GRM5: variants seen among roughly 807,000 people sequenced by gnomAD.
The protein encoded by GRM5 is glutamate metabotropic receptor 5, also known as metabotropic glutamate receptor 5.
Under a neutral mutation model 83.1 loss-of-function variants are expected in GRM5, and 19 were observed. That is an observed-to-expected ratio of 0.23 (90% CI 0.16 to 0.34). The LOEUF (loss-of-function observed/expected upper bound fraction) is 0.34. Ranked by LOEUF, GRM5 falls within the 10% of genes least tolerant of loss-of-function variation. GRM5 has a pLI of 1.00. For missense variants in GRM5, 1,160 were observed against 1,588.3 expected, an observed-to-expected ratio of 0.73 and a Z score of 4.58; for synonymous variants, 675 against 633.6, an observed-to-expected ratio of 1.07 and a Z score of -0.98.
At chr11:88,632,129 C>A (rs990934039) in intron 4 of GRM5, among the ~76,000 whole-genome samples, 1 of 151,908 alleles carries the variant, frequency 6.6e-6, no homozygotes, top group African/African-American at 2.4e-5. Flanking sequence ...TCCTCCCGCA[C>A]CTTTGTAATC....
At chr11:88,662,850 A>T (rs1348329223) in intron 3 of GRM5, among the ~76,000 whole-genome samples, 1 of 152,186 alleles carries the variant, frequency 6.6e-6, no homozygotes, top group African/African-American at 2.4e-5. Flanking sequence ...CACCAAATTC[A>T]GCCAAAAACT....
At chr11:89,033,186 G>A (rs1473367032) in intron 2 of GRM5, among the ~76,000 whole-genome samples, 3 of 151,966 alleles carry the variant, frequency 2.0e-5, no homozygotes, top group Non-Finnish European at 2.9e-5. Context: ...AGAAAGTGCA[G>A]GTACAGCCAT....
intron 2 of GRM5, among the ~76,000 whole-genome samples, chr11:88,877,843 CAGAAAGAA>C (rs144183977): frequency 7.6e-6 from 1 of 131,582 alleles, no homozygotes; most frequent in African/African-American, 2.9e-5. Context: ...AAAAAAAAAG[CAGAAAGAA>C]AGAAAGAAAG....
At chr11:88,887,847 C>T (rs1223606040) in intron 2 of GRM5, among the ~76,000 whole-genome samples, 2 of 152,140 alleles carry the variant, frequency 1.3e-5, no homozygotes, top group Non-Finnish European at 2.9e-5. Context: ...GGCCTTTTTA[C>T]TAGATCCTTG....
chr11:88,633,802 C>T (rs867748336), intron 4 of GRM5, among the ~76,000 whole-genome samples: 4 of 152,088 alleles, frequency 2.6e-5, no homozygotes, highest in African/African-American at 4.8e-5. Context: ...ATTATAAACA[C>T]GAGCCACCGT....
At chr11:88,796,782 T>C (rs938699441) in intron 3 of GRM5, among the ~76,000 whole-genome samples, 1 of 152,058 alleles carries the variant, frequency 6.6e-6, no homozygotes, top group Non-Finnish European at 1.5e-5. Flanking sequence ...TTGTCACAAG[T>C]TGACTTCTGT....
intron 2 of GRM5, among the ~76,000 whole-genome samples, chr11:88,886,256 G>A (rs888200879): frequency 6.6e-6 from 1 of 152,078 alleles, no homozygotes; most frequent in Non-Finnish European, 1.5e-5. Flanking sequence ...TTTTCCTGGT[G>A]CGTGATGACA....
chr11:89,040,977 A>G (rs985519926), intron 2 of GRM5, among the ~76,000 whole-genome samples: 14 of 152,216 alleles, frequency 9.2e-5, no homozygotes, highest in African/African-American at 3.4e-4. Context: ...CAAGCTGTAC[A>G]CTGGAACATA....
chr11:88,526,117 A>G (rs1461742467), intron 8 of GRM5, among the ~76,000 whole-genome samples: 2 of 152,224 alleles, frequency 1.3e-5, no homozygotes. Context: ...AAGTTTCTGT[A>G]AACATTAAGC....
At chr11:89,026,256 C>T (rs962149641) in intron 2 of GRM5, among the ~76,000 whole-genome samples, 1 of 152,110 alleles carries the variant, frequency 6.6e-6, no homozygotes, top group Non-Finnish European at 1.5e-5. Flanking sequence ...CACCAAGCAC[C>T]CACAACACAC....
chr11:88,930,031 T>G (rs493306), intron 2 of GRM5, among the ~76,000 whole-genome samples: 38,463 of 151,960 alleles, frequency 0.25, 5,964 homozygotes, highest in Non-Finnish European at 0.35. Flanking sequence ...TCTCCAAACG[T>G]TTTTTGGTGC....
intron 2 of GRM5, among the ~76,000 whole-genome samples, chr11:88,911,173 A>T (rs1278293924): frequency 6.6e-6 from 1 of 152,040 alleles, no homozygotes; most frequent in Admixed American, 6.6e-5. Context: ...TAAAAACAAT[A>T]AAAAAAGGGA....
chr11:88,769,823 TA>T (rs1300691847), intron 3 of GRM5, among the ~76,000 whole-genome samples: 1 of 152,046 alleles, frequency 6.6e-6, no homozygotes, highest in East Asian at 1.9e-4. Context: ...ATAAATTATG[TA>T]AATGCTTCAT....
At chr11:89,046,791 A>G (rs1941650824) in intron 2 of GRM5, among the ~76,000 whole-genome samples, 1 of 152,176 alleles carries the variant, frequency 6.6e-6, no homozygotes, top group South Asian at 2.1e-4. Context: ...CTTCAATCCT[A>G]TGTGTATTTA....
chr11:88,727,517 C>G (rs916671196), intron 3 of GRM5, among the ~76,000 whole-genome samples: 1 of 152,194 alleles, frequency 6.6e-6, no homozygotes, highest in African/African-American at 2.4e-5. Flanking sequence ...GATTTGAACT[C>G]AGCTCTGGAC....
chr11:88,904,069 A>C (rs576557351), intron 2 of GRM5, among the ~76,000 whole-genome samples: 15 of 152,314 alleles, frequency 9.8e-5, no homozygotes, highest in African/African-American at 3.1e-4. Context: ...GATTCAGATA[A>C]GTAAGGGTAT....
At chr11:88,640,500 G>A (rs1939259730) in intron 4 of GRM5, among the ~76,000 whole-genome samples, 1 of 152,160 alleles carries the variant, frequency 6.6e-6, no homozygotes, top group Admixed American at 6.5e-5. Flanking sequence ...CACCAGCTGA[G>A]TGTCCTCCAA....
At chr11:89,043,196 T>C (rs1237012834) in intron 2 of GRM5, among the ~76,000 whole-genome samples, 1 of 152,126 alleles carries the variant, frequency 6.6e-6, no homozygotes, top group African/African-American at 2.4e-5. Context: ...ATTCAGCAAA[T>C]AGTCTTTGAG....
At chr11:88,808,417 G>T (rs980685131) in intron 3 of GRM5, among the ~76,000 whole-genome samples, 2 of 151,914 alleles carry the variant, frequency 1.3e-5, no homozygotes, top group Non-Finnish European at 2.9e-5. Flanking sequence ...TAAATAGAAA[G>T]AATATTAAAC....
Sources: gnomAD v4.1 joint callset for allele counts (sites outside exome capture counted in the v4.1 genomes callset) on GRCh38, gnomAD v4.1.1 for gene constraint, MANE v1.5 for transcripts, NCBI Gene and HGNC (gene_info 2026-07-23, HGNC 2026-07-21) for gene names.